HIVEP3: variants seen among roughly 807,000 people sequenced by gnomAD.
HIVEP3 encodes transcription factor HIVEP3.
In HIVEP3, 49 loss-of-function variants were observed where a neutral mutation model predicts 152.8. The ratio of observed to expected loss-of-function variants is 0.32; its 90% CI spans 0.26 to 0.41. HIVEP3 has a LOEUF of 0.41. Among genes scored for constraint, HIVEP3 ranks in the 10% least tolerant of loss-of-function variants. HIVEP3 has a pLI of 1.00. For missense variants in HIVEP3, 2,790 were observed against 3,103.3 expected, an observed-to-expected ratio of 0.90 and a Z score of 2.40; for synonymous variants, 1,269 against 1,289.0, an observed-to-expected ratio of 0.98 and a Z score of 0.33.
chr1:41,959,800 T>C (rs1645159653), intron 1 of HIVEP3, among the ~76,000 whole-genome samples: 1 of 152,174 alleles, frequency 6.6e-6, no homozygotes, highest in African/African-American at 2.4e-5. Flanking sequence ...GCTAGAGATG[T>C]GTCCACCAAG....
chr1:42,017,821 TAGTAGATACTGCCC>T (rs935955909), intron 1 of HIVEP3, among the ~76,000 whole-genome samples: 6 of 152,106 alleles, frequency 3.9e-5, no homozygotes, highest in Non-Finnish European at 5.9e-5. Context: ...TGTTCAGCTT[TAGTAGATACTGCCC>T]AGTAGATACT....
At chr1:42,006,351 G>T (rs923417642) in intron 1 of HIVEP3, among the ~76,000 whole-genome samples, 1 of 152,022 alleles carries the variant, frequency 6.6e-6, no homozygotes, top group Non-Finnish European at 1.5e-5. Flanking sequence ...CCAGAGCAGC[G>T]GTTCTGAAAC....
chr1:41,707,506 C>A (rs976807501), intron 1 of HIVEP3, among the ~76,000 whole-genome samples: 12 of 152,198 alleles, frequency 7.9e-5, no homozygotes, highest in African/African-American at 2.9e-4. Flanking sequence ...CCCAAGTCCC[C>A]GTACTGGGAA....
intron 3 of HIVEP3, among the ~76,000 whole-genome samples, chr1:41,620,984 T>C (rs1026736949): frequency 6.6e-6 from 1 of 152,196 alleles, no homozygotes; most frequent in Non-Finnish European, 1.5e-5. Flanking sequence ...GTTCCATAAC[T>C]GGTCAGCCCC....
At chr1:41,568,455 C>T (rs758512524) in intron 5 of HIVEP3, among the ~76,000 whole-genome samples, 3 of 152,198 alleles carry the variant, frequency 2.0e-5, no homozygotes, top group Non-Finnish European at 4.4e-5. Flanking sequence ...GAGCTGGAGC[C>T]GGCACATGCA....
chr1:41,719,340 A>C (rs1416284108), intron 1 of HIVEP3, among the ~76,000 whole-genome samples: 1 of 152,268 alleles, frequency 6.6e-6, no homozygotes, highest in East Asian at 1.9e-4. Flanking sequence ...GAAGTGAAAC[A>C]GACTGGGAGG....
intron 1 of HIVEP3, among the ~76,000 whole-genome samples, chr1:41,960,877 T>G (rs1284184559): frequency 6.6e-6 from 1 of 152,192 alleles, no homozygotes; most frequent in Non-Finnish European, 1.5e-5. Flanking sequence ...GATTGTTCTT[T>G]CCAAAAATGG....
chr1:42,035,370 C>T (rs1295217758), intron 1 of HIVEP3, among the ~76,000 whole-genome samples: 1 of 152,254 alleles, frequency 6.6e-6, no homozygotes, highest in African/African-American at 2.4e-5. Flanking sequence ...AAGGCGCATC[C>T]TCGCCGCTCA....
Position 41,873,049 on chromosome 1 carries a change from G to A in HIVEP3, c.-801+45364C>T, listed in dbSNP as rs1000466114. Reference sequence around the variant, plus strand: ...GGATTTTATAAGGAAAAGAGGAAACGAGACGAAAGAAAATGTAGTGCATCT... The same window carrying A: ...GGATTTTATAAGGAAAAGAGGAAACAAGACGAAAGAAAATGTAGTGCATCT... On this transcript the variant is annotated intron_variant, in intron 1 of 8. Coordinates refer to ENST00000372583, the MANE Select transcript of HIVEP3 (RefSeq NM_024503.5). The surrounding 1 kb of genome is among the most constrained non-coding windows in gnomAD (Gnocchi z 4.2). 6.6e-6 allele frequency among the ~76,000 whole-genome samples: 1 copy of A among 152,200 alleles called. No individual in the cohort carries two copies. The highest frequency in any genetic ancestry group is 2.4e-5 in the African/African-American group (1 of 41,454).
At chr1:41,512,445 C>T (rs1161661782) in intron 8 of HIVEP3, among the ~76,000 whole-genome samples, 2 of 152,204 alleles carry the variant, frequency 1.3e-5, no homozygotes, top group Non-Finnish European at 2.9e-5. Context: ...ATGCTGGCAC[C>T]ACGCTTCCTG....
intron 1 of HIVEP3, among the ~76,000 whole-genome samples, chr1:41,762,783 G>A (rs61773730): frequency 2.0e-5 from 3 of 152,276 alleles, no homozygotes; most frequent in Non-Finnish European, 4.4e-5. Flanking sequence ...GGTGGTTTGA[G>A]TGAGCAGGGG....
chr1:42,018,761 C>T (rs1645537660), intron 1 of HIVEP3, among the ~76,000 whole-genome samples: 1 of 152,064 alleles, frequency 6.6e-6, no homozygotes, highest in Admixed American at 6.5e-5. Flanking sequence ...TAGACAGCAT[C>T]AGAGGAACCT....
At chr1:41,920,126 C>A (rs542513903), upstream of HIVEP3, among the ~76,000 whole-genome samples, 68 of 152,356 alleles carry the variant, frequency 4.5e-4, no homozygotes, top group Admixed American at 6.5e-4. Context: ...CACACACTCT[C>A]TTCCTTCCCC....
intron 5 of HIVEP3, among the ~76,000 whole-genome samples, chr1:41,562,612 TCTCTCTCTCTCTCTCTCTCTCC>T (rs1288113835): frequency 3.6e-5 from 4 of 110,586 alleles, no homozygotes; most frequent in African/African-American, 1.5e-4. Flanking sequence ...TCTCTCTCTC[TCTCTCTCTCTCTCTCTCTCTCC>T]CTCTCTCTCT....
intron 1 of HIVEP3, among the ~76,000 whole-genome samples, chr1:41,763,941 T>C (rs566949454): frequency 9.9e-5 from 15 of 152,234 alleles, no homozygotes; most frequent in East Asian, 5.8e-4. Flanking sequence ...TCTTAAAAGA[T>C]AGGATGTGGC....
At chr1:41,666,621 G>A (rs1558162489) in intron 2 of HIVEP3, among the ~76,000 whole-genome samples, 1 of 152,184 alleles carries the variant, frequency 6.6e-6, no homozygotes, top group South Asian at 2.1e-4. Flanking sequence ...CATGGATGTG[G>A]GCATCAATCT....
chr1:41,767,853 G>T (rs1411705321), intron 1 of HIVEP3, among the ~76,000 whole-genome samples: 1 of 152,174 alleles, frequency 6.6e-6, no homozygotes, highest in African/African-American at 2.4e-5. Flanking sequence ...CCACTGGATC[G>T]TGTTTGTCAG....
intron 1 of HIVEP3, among the ~76,000 whole-genome samples, chr1:41,814,489 T>C (rs1015983014): frequency 3.9e-5 from 6 of 152,218 alleles, no homozygotes; most frequent in African/African-American, 1.2e-4. Flanking sequence ...ATGGCTAAGA[T>C]GCAGAACCAG....
At chr1:41,715,299 G>A (rs1646574412) in intron 1 of HIVEP3, among the ~76,000 whole-genome samples, 1 of 152,248 alleles carries the variant, frequency 6.6e-6, no homozygotes, top group African/African-American at 2.4e-5. Context: ...ATGGATGTCA[G>A]AGATAGGAGG....
Sources: gnomAD v4.1 joint callset for allele counts (sites outside exome capture counted in the v4.1 genomes callset) on GRCh38, gnomAD v4.1.1 for gene constraint, Gnocchi (gnomAD v3.1) non-coding constraint, MANE v1.5 for transcripts, NCBI Gene and HGNC (gene_info 2026-07-23, HGNC 2026-07-21) for gene names.